Variants in RGS20 observed in about 807,000 individuals in gnomAD.
RGS20 encodes gz-selective GTPase-activating protein.
In RGS20, 30 loss-of-function variants were observed where a neutral mutation model predicts 33.6. That is an observed-to-expected ratio of 0.89 (90% confidence interval 0.67 to 1.21). The LOEUF (loss-of-function observed/expected upper bound fraction) is 1.21, where lower values mean the gene tolerates loss of function less well. RGS20 is among the 50% of genes most tolerant of loss of function. The probability of loss-of-function intolerance (pLI) is 0.00; values close to 1 mark genes in which losing one functional copy is unlikely to be tolerated. For synonymous variants in RGS20, 208 were observed against 197.9 expected (o/e 1.05, Z -0.43); for missense variants, 472 against 502.4 (o/e 0.94, Z 0.58).
chr8:53,880,920 G>T lies in RGS20; in HGVS notation c.510+1318G>T, dbSNP rs1326188072. On this transcript the variant is annotated intron_variant, in intron 2 of 5. Transcript: ENST00000297313. ...GGAGAAGAGGGCTAGAGCAAAGACCGAGAGCCGGAGAAAGGCGAAAGGCGC... is the reference window on the plus strand; with the variant it reads ...GGAGAAGAGGGCTAGAGCAAAGACCTAGAGCCGGAGAAAGGCGAAAGGCGC... The T allele has an allele frequency of 9.7e-6, 15 of 1,544,122 alleles. 1 individual carries two copies. The highest frequency in any genetic ancestry group is 1.7e-4 in the Middle Eastern group (1 of 5,818).
At chr8:53,914,578 A>C (rs1813433020) in intron 2 of RGS20, 1 of 152,186 alleles carries the variant, frequency 6.6e-6, no homozygotes, top group Non-Finnish European at 1.5e-5. Context: ...ACAGGCAGTG[A>C]ATTTCTTCTC....
intron 4 of RGS20, 106 bp from the exon 4 acceptor site, chr8:53,953,970 A>T: frequency 1.2e-6 from 1 of 829,238 alleles, no homozygotes; most frequent in Non-Finnish European, 2.1e-6. Context: ...CTAAATGCAT[A>T]TATTTTTCAT....
chr8:53,950,677 C>T (rs930344153), intron 4 of RGS20, among the ~76,000 whole-genome samples: 7 of 151,648 alleles, frequency 4.6e-5, no homozygotes, highest in Admixed American at 3.3e-4. Flanking sequence ...TGCGGTGGCA[C>T]GATCTTGGCT....
In RGS20 at chr8:53,949,425, A is replaced by G. The variant is rs1355303429; in HGVS notation, c.743+2677A>G. On this transcript the variant is annotated intron_variant, in intron 4 of 5. Transcript: ENST00000297313. The stretch of plus-strand genomic sequence containing the variant: ...TTTTAAAAATAAAAGTATATTATAT[A>G]ATATACGGTGGGTGGGCACGGTGGC... Among the ~76,000 whole-genome samples the G allele has an allele frequency of 2.6e-5, 4 of 151,782 alleles. No individual in the cohort carries two copies. The East Asian group carries it at 7.7e-4, about 29-fold the overall frequency.
chr8:53,883,946 CAAA>C (rs75283566), intron 2 of RGS20, among the ~76,000 whole-genome samples: 1 of 122,870 alleles, frequency 8.1e-6, no homozygotes, highest in African/African-American at 2.9e-5. Flanking sequence ...AACTCCGTCT[CAAA>C]AAAAAAAAAA....
At chr8:53,948,070 TTATATATGCTATATATAAGATGTAGTA>T (rs1188605059) in intron 4 of RGS20, among the ~76,000 whole-genome samples, 6 of 134,810 alleles carry the variant, frequency 4.5e-5, no homozygotes, top group African/African-American at 1.4e-4. Flanking sequence ...GTATATATAT[TTATATATGCTATATATAAGATGTAGTA>T]TATATATGCT....
chr8:53,904,173 A>T (rs1392611071), intron 2 of RGS20, among the ~76,000 whole-genome samples: 7 of 147,334 alleles, frequency 4.8e-5, no homozygotes, highest in Non-Finnish European at 7.4e-5. Context: ...CCCAGGCTGG[A>T]GTGTAGTGGT....
chr8:53,905,162 T>C (rs549969885), intron 2 of RGS20, among the ~76,000 whole-genome samples: 1 of 152,228 alleles, frequency 6.6e-6, no homozygotes, highest in Non-Finnish European at 1.5e-5. Flanking sequence ...CAAAAGTCTT[T>C]TGTTACTATT....
In RGS20 at chr8:53,879,255, C is replaced by T; in HGVS notation, c.166-3C>T. 1.2e-6 allele frequency: 2 copies of T among 1,613,032 alleles called. No individual in the cohort carries two copies. The highest frequency in any genetic ancestry group is 1.7e-6 in the Non-Finnish European group (2 of 1,179,276). On this transcript the variant is annotated splice_region_variant and splice_polypyrimidine_tract_variant and intron_variant, in intron 1 of 5. Transcript: ENST00000297313. ...TGGTTTTGTTTCTCTCTCCCCACCC[C>T]AGTCCTTCCCGCCTGCACAGCTCCC...
chr8:53,900,518 T>C (rs975062804), intron 2 of RGS20, among the ~76,000 whole-genome samples: 3 of 152,204 alleles, frequency 2.0e-5, no homozygotes, highest in African/African-American at 7.2e-5. Context: ...TCAATGTTTA[T>C]ATAGCAAGAA....
chr8:53,939,587 A>G lies in RGS20; in HGVS notation c.522A>G (p.Ser174=). The G allele has an allele frequency of 1.3e-6, 2 of 1,591,340 alleles. No individual in the cohort carries two copies. Among genetic ancestry groups the G allele is most frequent in the Non-Finnish European group, 1.7e-6 (2 of 1,169,172 alleles). Residue 174 remains serine (S), a synonymous_variant, in exon 3 of 6, where the codon TCA becomes TCG. Transcript: ENST00000297313. The stretch of plus-strand genomic sequence containing the variant: ...TCTCCCTCTTGCAGCAGATGGGATC[A>G]GAGCGGATGGAGATGCGGAAGCGGC...
chr8:53,951,480 C>T (rs1207206063), intron 4 of RGS20, among the ~76,000 whole-genome samples: 1 of 151,526 alleles, frequency 6.6e-6, no homozygotes, highest in African/African-American at 2.4e-5. Flanking sequence ...CACAGTGATA[C>T]CCTGTATCAG....
intron 2 of RGS20, chr8:53,886,908 A>G (rs1812561291): frequency 6.6e-6 from 1 of 152,220 alleles, no homozygotes; most frequent in African/African-American, 2.4e-5. Context: ...CACCCTTATA[A>G]TGGACTTTTA....
intron 4 of RGS20, among the ~76,000 whole-genome samples, chr8:53,950,681 C>G (rs1036395046): frequency 9.9e-4 from 150 of 151,786 alleles, no homozygotes; most frequent in Admixed American, 9.7e-3. Flanking sequence ...GTGGCACGAT[C>G]TTGGCTCACT....
intron 2 of RGS20, among the ~76,000 whole-genome samples, chr8:53,932,974 G>A (rs527952354): frequency 6.6e-4 from 100 of 152,240 alleles, no homozygotes; most frequent in African/African-American, 2.1e-3. Context: ...TGGCAAACAG[G>A]GTCTGGCATG....
chr8:53,939,745 ATGAAT>A lies in RGS20; in HGVS notation c.659+22_659+26del, dbSNP rs778483610. On this transcript the variant is annotated intron_variant, in intron 3 of 5. Coordinates refer to ENST00000297313, the MANE Select transcript of RGS20 (RefSeq NM_170587.4). ...TCGTGGTAAGGTTTGGGGCTTTTTAATGAATGTGCTCCTGACTGGGAAGTGTAATG... is the reference window on the plus strand; with the variant it reads ...TCGTGGTAAGGTTTGGGGCTTTTTAAGTGCTCCTGACTGGGAAGTGTAATG... The A allele has an allele frequency of 6.7e-5, 103 of 1,543,258 alleles. 1 individual carries two copies. In the East Asian group the frequency reaches 2.5e-3, roughly 38 times the overall value.
chr8:53,854,293 G>A (rs1811628041), intron 1 of RGS20, among the ~76,000 whole-genome samples: 1 of 151,976 alleles, frequency 6.6e-6, no homozygotes, highest in South Asian at 2.1e-4. Context: ...GAGGGTAAAA[G>A]ACAGCATACA....
At chr8:53,880,800 G>A (rs1350338260) in intron 2 of RGS20, 72 bp from the exon 1 acceptor site, 22 of 1,294,366 alleles carry the variant, frequency 1.7e-5, no homozygotes, top group Non-Finnish European at 2.1e-5. Flanking sequence ...GGTGGAGTGC[G>A]CCGCCGCTGG....
At chr8:53,902,840 C>T (rs936878105) in intron 2 of RGS20, among the ~76,000 whole-genome samples, 2 of 152,148 alleles carry the variant, frequency 1.3e-5, no homozygotes, top group African/African-American at 2.4e-5. Flanking sequence ...ATTCTCCTGC[C>T]TCAGCTTCCC....
Sources: gnomAD v4.1 joint callset for allele counts (sites outside exome capture counted in the v4.1 genomes callset) on GRCh38, gnomAD v4.1.1 for gene constraint, MANE v1.5 for transcripts, NCBI Gene and HGNC (gene_info 2026-07-23, HGNC 2026-07-21) for gene names.